DENND1B: variants seen among roughly 807,000 people sequenced by gnomAD.
The protein encoded by DENND1B is DENN domain containing 1B.
A neutral mutation model predicts 90.1 loss-of-function variants in DENND1B; 59 were observed. That is an observed-to-expected ratio of 0.65 (90% CI 0.53 to 0.81). DENND1B has a LOEUF of 0.81. DENND1B is among the 40% of genes least tolerant of loss of function. DENND1B has a pLI of 0.00. For synonymous variants in DENND1B, 337 were observed against 324.6 expected (o/e 1.04, Z -0.41); for missense variants, 862 against 912.6 (o/e 0.94, Z 0.71).
chr1:197,672,011 T>A lies in DENND1B; in HGVS notation c.296+26A>T, dbSNP rs759192650. 12 of 1,601,468 alleles carry A rather than the reference T, an allele frequency of 7.5e-6. No individual in the cohort carries two copies. In the Admixed American group the frequency reaches 2.1e-4, roughly 28 times the overall value. On this transcript the variant is annotated intron_variant, in intron 5 of 22. Transcript: ENST00000620048. ...GAGAGATAGTTACCTATTTTGCATCTAATTTTTTTTACTACAAATACTCAC... is the reference window on the plus strand; with the variant it reads ...GAGAGATAGTTACCTATTTTGCATCAAATTTTTTTTACTACAAATACTCAC...
chr1:197,705,858 A>G (rs1478693726), intron 3 of DENND1B, among the ~76,000 whole-genome samples: 1 of 152,066 alleles, frequency 6.6e-6, no homozygotes, highest in African/African-American at 2.4e-5. Flanking sequence ...GTTCTTTTAC[A>G]TACTTAAGAT....
intron 10 of DENND1B, among the ~76,000 whole-genome samples, chr1:197,637,015 C>G (rs1679858847): frequency 6.6e-6 from 1 of 150,968 alleles, no homozygotes; most frequent in Admixed American, 6.6e-5. Flanking sequence ...ACTTGCCTAA[C>G]TGTAAAATGA....
intron 21 of DENND1B, 46 bp from the exon 22 acceptor site, chr1:197,511,990 G>T: frequency 6.9e-7 from 1 of 1,439,884 alleles, no homozygotes; most frequent in Admixed American, 2.0e-5. Flanking sequence ...AACCATATTT[G>T]CTGCATGTAA....
chr1:197,629,665 C>T (rs1001050044), intron 10 of DENND1B, among the ~76,000 whole-genome samples: 1 of 151,132 alleles, frequency 6.6e-6, no homozygotes, highest in African/African-American at 2.4e-5. Flanking sequence ...TGCCCTAAAA[C>T]TTAAAGTATA....
At chr1:197,638,083 T>C (rs1679949666) in intron 10 of DENND1B, among the ~76,000 whole-genome samples, 1 of 152,236 alleles carries the variant, frequency 6.6e-6, no homozygotes, top group Admixed American at 6.5e-5. Flanking sequence ...ATTTAATAGC[T>C]GATTTTCCAG....
chr1:197,511,000 AG>A (rs1439288305), intron 22 of DENND1B, 28 bp from the exon 23 acceptor site: 1 of 1,474,660 alleles, frequency 6.8e-7, no homozygotes, highest in East Asian at 2.3e-5. Context: ...CAACAAACTC[AG>A]AAAACTTTTA....
In DENND1B at chr1:197,756,273, A is replaced by G. The variant is rs76096773; in HGVS notation, c.82+16595T>C. Reference sequence around the variant, plus strand: ...TTTGTTCCTAAATGTTTTTCCAACAATTAGAATATGCTTTTATTAGGCTGG... The same window carrying G: ...TTTGTTCCTAAATGTTTTTCCAACAGTTAGAATATGCTTTTATTAGGCTGG... On this transcript the variant is annotated intron_variant, in intron 2 of 22. Coordinates refer to ENST00000620048, the MANE Select transcript of DENND1B (RefSeq NM_001195215.2). 6.1e-4 allele frequency among the ~76,000 whole-genome samples: 93 copies of G among 152,298 alleles called. 1 individual carries two copies. Among genetic ancestry groups the G allele is most frequent in the East Asian group, 4.1e-3 (21 of 5,184 alleles).
intron 3 of DENND1B, chr1:197,688,940 G>C (rs1240274984): frequency 4.6e-6 from 1 of 215,362 alleles, no homozygotes; most frequent in African/African-American, 2.3e-5. Context: ...CTGGGTCTTG[G>C]ATAAATTGAA....
At chr1:197,768,919 G>C (rs1656063511) in intron 2 of DENND1B, among the ~76,000 whole-genome samples, 1 of 150,940 alleles carries the variant, frequency 6.6e-6, no homozygotes, top group African/African-American at 2.4e-5. Flanking sequence ...CAGTAGACCA[G>C]ATAAAGATCA....
At chr1:197,661,382 A>G (rs1056209619) in intron 5 of DENND1B, among the ~76,000 whole-genome samples, 2 of 152,016 alleles carry the variant, frequency 1.3e-5, no homozygotes, top group Non-Finnish European at 2.9e-5. Context: ...AATTGCTTTC[A>G]TTTGTAGTCA....
rs185169993 is a variant in DENND1B, at chr1:197,720,788, C to T, written c.83-5714G>A. 9.9e-5 allele frequency among the ~76,000 whole-genome samples: 15 copies of T among 152,242 alleles called. No homozygotes were observed. In the East Asian group the frequency reaches 2.7e-3, roughly 27 times the overall value. ...ACTCAAAAAAGAATAGTATGATAGA[C>T]TGTACTATAAACCTTAAGACTATAA... is the stretch of plus-strand genomic sequence containing the variant. On this transcript the variant is annotated intron_variant, in intron 2 of 22. Coordinates refer to ENST00000620048, the MANE Select transcript of DENND1B (RefSeq NM_001195215.2).
At chr1:197,750,438 A>G (rs777841447) in intron 2 of DENND1B, among the ~76,000 whole-genome samples, 2 of 152,186 alleles carry the variant, frequency 1.3e-5, no homozygotes, top group African/African-American at 2.4e-5. Context: ...CCAAACAAAA[A>G]CCAAAAGTAC....
At chr1:197,664,599 T>G (rs779087528) in intron 5 of DENND1B, among the ~76,000 whole-genome samples, 1 of 151,994 alleles carries the variant, frequency 6.6e-6, no homozygotes, top group African/African-American at 2.4e-5. Context: ...AAGTCAAAGG[T>G]TAAATAAAGG....
chr1:197,587,280 G>C (rs1455486067), intron 14 of DENND1B, among the ~76,000 whole-genome samples: 1 of 152,090 alleles, frequency 6.6e-6, no homozygotes, highest in African/African-American at 2.4e-5. Flanking sequence ...ATATGATTCT[G>C]TAGAGACACA....
At chr1:197,548,359 G>A (rs1670970458) in intron 16 of DENND1B, among the ~76,000 whole-genome samples, 1 of 152,148 alleles carries the variant, frequency 6.6e-6, no homozygotes, top group Non-Finnish European at 1.5e-5. Context: ...CTATCTTTGT[G>A]AAGGATGTGA....
intron 3 of DENND1B, among the ~76,000 whole-genome samples, chr1:197,705,567 T>C (rs1044388237): frequency 2.6e-5 from 4 of 151,002 alleles, no homozygotes; most frequent in Non-Finnish European, 5.9e-5. Context: ...ACATTATCAC[T>C]CTCATGTGAA....
At chr1:197,719,147 A>G (rs564116097) in intron 2 of DENND1B, among the ~76,000 whole-genome samples, 1 of 152,316 alleles carries the variant, frequency 6.6e-6, no homozygotes, top group African/African-American at 2.4e-5. Context: ...ATGAGTGAGT[A>G]TGATGAAAGA....
At chr1:197,580,545 G>A (rs1452684694) in intron 15 of DENND1B, among the ~76,000 whole-genome samples, 2 of 152,078 alleles carry the variant, frequency 1.3e-5, no homozygotes, top group Non-Finnish European at 2.9e-5. Flanking sequence ...TCTTCCTGAG[G>A]TCTGGGGGCA....
intron 6 of DENND1B, among the ~76,000 whole-genome samples, chr1:197,655,640 T>C (rs1234632296): frequency 2.6e-5 from 4 of 152,068 alleles, no homozygotes; most frequent in Non-Finnish European, 5.9e-5. Context: ...CATGCCATTC[T>C]CCTGCCTCAG....
Sources: allele counts gnomAD v4.1 joint callset (sites outside exome capture counted in the v4.1 genomes callset), GRCh38; gene constraint gnomAD v4.1.1; transcripts MANE v1.5; gene names NCBI Gene and HGNC (gene_info 2026-07-23, HGNC 2026-07-21).